The following CNNM3 variants were observed in gnomAD, a reference collection of about 807,000 sequenced individuals.
CNNM3 encodes cyclin and CBS domain divalent metal cation transport mediator 3, also known as metal transporter CNNM3.
Under a neutral mutation model 57.1 loss-of-function variants are expected in CNNM3, and 47 were observed. The ratio of observed to expected loss-of-function variants is 0.82; its 90% CI spans 0.65 to 1.05. CNNM3 has a LOEUF of 1.05. Among genes scored for constraint, CNNM3 ranks in the 50% least tolerant of loss-of-function variants. The pLI, the probability that CNNM3 is intolerant of heterozygous loss-of-function variation, is 0.00. For synonymous variants in CNNM3, 507 were observed against 478.2 expected, an observed-to-expected ratio of 1.06 and a Z score of -0.79; for missense variants, 957 against 973.7, an observed-to-expected ratio of 0.98 and a Z score of 0.23.
intron 7 of CNNM3, among the ~76,000 whole-genome samples, chr2:96,830,157 G>A (rs946905580): frequency 6.6e-6 from 1 of 152,230 alleles, no homozygotes; most frequent in Non-Finnish European, 1.5e-5. Context: ...GCGTTCCTAA[G>A]GTTGGGGTCA....
At chr2:96,820,358 C>T (rs2079388181) in intron 1 of CNNM3, among the ~76,000 whole-genome samples, 1 of 152,110 alleles carries the variant, frequency 6.6e-6, no homozygotes, top group African/African-American at 2.4e-5. Flanking sequence ...CAGGTTTTGG[C>T]CATTGAATTT....
At chr2:96,824,000 T>C (rs1004156563) in intron 1 of CNNM3, among the ~76,000 whole-genome samples, 1 of 152,252 alleles carries the variant, frequency 6.6e-6, no homozygotes, top group Admixed American at 6.5e-5. Context: ...AAATGCTATT[T>C]TGACTATATT....
In CNNM3 at chr2:96,833,226, C is replaced by A; in HGVS notation, c.*610C>A. ...CACTGCCCGTAGGCTGTCCCTGTAG[C>A]CCTGCTCCCTCCCTGGAGGCTGCTC... On this transcript the variant is annotated 3_prime_UTR_variant, in exon 8 of 8. Coordinates refer to ENST00000305510, the MANE Select transcript of CNNM3 (RefSeq NM_017623.5). 1 of 357,406 alleles carries A rather than the reference C, an allele frequency of 2.8e-6. No homozygotes were observed. The highest frequency in any genetic ancestry group is 5.5e-6 in the Non-Finnish European group (1 of 181,964). The allele number at this position is 357,406 out of a possible 1,614,324, so 22.1% of individuals were successfully genotyped here. A position where few individuals can be genotyped will look rare whatever the true frequency, so the allele number is the denominator to read the frequency against.
rs776023023 is a variant in CNNM3 at position 96,826,999 on chromosome 2, G to C, written c.1519+17G>C. 1.2e-6 allele frequency: 2 copies of C among 1,611,896 alleles called. No homozygotes were observed. The highest frequency in any genetic ancestry group is 1.7e-6 in the Non-Finnish European group (2 of 1,179,046). On this transcript the variant is annotated intron_variant, in intron 3 of 7. Coordinates refer to ENST00000305510, the MANE Select transcript of CNNM3 (RefSeq NM_017623.5). Reference sequence around the variant, plus strand: ...TGTCCCGAGGTGAGGCGGGAGGGTGGTCCATGCCCCCTGCTCTCCTCACCG... The same window carrying C: ...TGTCCCGAGGTGAGGCGGGAGGGTGCTCCATGCCCCCTGCTCTCCTCACCG...
In CNNM3 at chr2:96,816,925, G is replaced by A; in HGVS notation, c.648G>A (p.Ala216=). 8.3e-7 allele frequency: 1 copy of A among 1,204,800 alleles called. No homozygotes were observed. The allele number at this position is 1,204,800 out of a possible 1,614,324, so 74.6% of individuals were successfully genotyped here. A position where few individuals can be genotyped will look rare whatever the true frequency, so the allele number is the denominator to read the frequency against. The change falls in exon 1 of 8, where the codon GCG becomes GCA. Residue 216 remains alanine, a synonymous_variant. Coordinates refer to ENST00000305510, the MANE Select transcript of CNNM3 (RefSeq NM_017623.5). ...CGCTGGCGGTGCTGCTGTACCGCGC[G>A]GCCGGCCAGCGTGCGGTGCCCGCCG... ...QAALAVLLYR[A]AGQRAVPAVL... is the part of the protein sequence containing the mutation.
chr2:96,832,990 C>T lies in CNNM3; in HGVS notation c.*374C>T. The T allele has an allele frequency of 1.5e-6, 2 of 1,339,698 alleles. No homozygotes were observed. Among genetic ancestry groups the T allele is most frequent in the Non-Finnish European group, 2.0e-6 (2 of 1,021,546 alleles). The allele number at this position is 1,339,698 out of a possible 1,614,324, so 83.0% of individuals were successfully genotyped here. ...CTGAGCCACCTTGTGAGTGCAGTTA[C>T]TGCCTTTGTGTGGCCGTGACCTCTA... is the stretch of plus-strand genomic sequence containing the variant. On this transcript the variant is annotated 3_prime_UTR_variant, in exon 8 of 8. Transcript: ENST00000305510.
rs1228028605 is a variant in CNNM3, at chr2:96,832,993, C to T, written c.*377C>T. ...AGCCACCTTGTGAGTGCAGTTACTG[C>T]CTTTGTGTGGCCGTGACCTCTATTT... On this transcript the variant is annotated 3_prime_UTR_variant, in exon 8 of 8. Transcript: ENST00000305510. The T allele has an allele frequency of 7.5e-7, 1 of 1,336,556 alleles. No individual in the cohort carries two copies. The highest frequency in any genetic ancestry group is 2.2e-5 in the Admixed American group (1 of 44,848). 82.8% of individuals were successfully genotyped at this position (1,336,556 alleles called of 1,614,324 possible).
chr2:96,832,370 A>C, intron 7 of CNNM3, 182 bp from the exon 8 acceptor site: 1 of 1,474,946 alleles, frequency 6.8e-7, no homozygotes, highest in Non-Finnish European at 9.0e-7. Flanking sequence ...CTCCCAGGGA[A>C]GGCATCTGTT....
Position 96,826,995 on chromosome 2 carries a change from G to A in CNNM3, c.1519+13G>A. ...TTCCTGTCCCGAGGTGAGGCGGGAG[G>A]GTGGTCCATGCCCCCTGCTCTCCTC... On this transcript the variant is annotated intron_variant, in intron 3 of 7. Transcript: ENST00000305510. 1.2e-6 allele frequency: 2 copies of A among 1,612,574 alleles called. No homozygotes were observed. The highest frequency in any genetic ancestry group is 1.7e-6 in the Non-Finnish European group (2 of 1,179,334).
At position 96,832,919 on chromosome 2, in the gene CNNM3, C is replaced by G; in HGVS notation, c.*303C>G. The G allele has an allele frequency of 7.0e-7, 1 of 1,436,324 alleles. No homozygotes were observed. The highest frequency in any genetic ancestry group is 1.2e-5 in the South Asian group (1 of 82,302). The allele number at this position is 1,436,324 out of a possible 1,614,324, so 89.0% of individuals were successfully genotyped here. ...CAGGGCCCAGCCTTCCCCTTCTCCC[C>G]CGGGGCAGGGACAGTGCGGCATATT... is the stretch of plus-strand genomic sequence containing the variant. On this transcript the variant is annotated 3_prime_UTR_variant, in exon 8 of 8. Coordinates refer to ENST00000305510, the MANE Select transcript of CNNM3 (RefSeq NM_017623.5).
intron 5 of CNNM3, 35 bp downstream of exon 5, chr2:96,828,230 GT>G: frequency 6.4e-7 from 1 of 1,553,072 alleles, no homozygotes; most frequent in African/African-American, 1.4e-5. Flanking sequence ...GAGGGCCAGG[GT>G]GGAGGCTGCA....
chr2:96,836,190 C>G (rs528175556), downstream of CNNM3, among the ~76,000 whole-genome samples: 57 of 147,348 alleles, frequency 3.9e-4, no homozygotes, highest in Admixed American at 8.9e-4. Flanking sequence ...TCAAGCAGTT[C>G]TCCCTCTTCA....
downstream of CNNM3, chr2:96,836,935 A>C (rs1256834596): frequency 6.6e-6 from 1 of 152,044 alleles, no homozygotes; most frequent in African/African-American, 2.4e-5. Context: ...TTTTTTTTTA[A>C]TCCTATAGCT....
rs2079318995 is a variant in CNNM3 at position 96,816,489 on chromosome 2, TCGCCAACAGCTCTTGGTCCTGGGTGGCCC to T, written c.215_243del (p.Ala72GlyfsTer48). 3 of 1,458,190 alleles carry T rather than the reference TCGCCAACAGCTCTTGGTCCTGGGTGGCCC, an allele frequency of 2.1e-6. No individual in the cohort carries two copies. Among genetic ancestry groups the T allele is most frequent in the Admixed American group, 2.6e-5 (1 of 37,874 alleles). 90.3% of individuals were successfully genotyped at this position (1,458,190 alleles called of 1,614,324 possible). On this transcript the variant is annotated frameshift_variant, in exon 1 of 8. Transcript: ENST00000305510. LOFTEE classifies it high-confidence loss of function. ...CTCCTGCGCCTCTTCGGCCCGGGCT[TCGCCAACAGCTCTTGGTCCTGGGTGGCCC>T]CGGAGGGGGCGGGCTGCCGGGAGGA...
At chr2:96,820,388 A>G (rs902927748) in intron 1 of CNNM3, among the ~76,000 whole-genome samples, 5 of 152,186 alleles carry the variant, frequency 3.3e-5, no homozygotes, top group African/African-American at 1.2e-4. Flanking sequence ...CAGTGTCCCA[A>G]GAGGCAAACT....
At chr2:96,819,888 C>T (rs867754940) in intron 1 of CNNM3, among the ~76,000 whole-genome samples, 2 of 152,300 alleles carry the variant, frequency 1.3e-5, no homozygotes, top group Middle Eastern at 6.8e-3. Flanking sequence ...TCTTCGCTGC[C>T]ATGGTCTTGT....
Position 96,816,385 on chromosome 2 carries a change from C to G in CNNM3, c.108C>G (p.Phe36Leu). The change falls in exon 1 of 8, where the codon TTC (phenylalanine) becomes TTG (leucine). Residue 36 changes from phenylalanine (F) to leucine (L), a missense_variant. Transcript: ENST00000305510. Reference protein sequence around the residue: ...EAAPGPRVLGFCLEEDGAAGA... With the variant: ...EAAPGPRVLGLCLEEDGAAGA... ...CGCCGGGCCCGCGAGTGCTGGGCTT[C>G]TGCCTGGAGGAGGATGGAGCGGCGG... The G allele has an allele frequency of 7.4e-7, 1 of 1,351,304 alleles. No homozygotes were observed. The highest frequency in any genetic ancestry group is 9.5e-7 in the Non-Finnish European group (1 of 1,053,168). 83.7% of individuals were successfully genotyped at this position (1,351,304 alleles called of 1,614,324 possible). A position where few individuals can be genotyped will look rare whatever the true frequency, so the allele number is the denominator to read the frequency against.
intron 3 of CNNM3, 70 bp from the exon 4 acceptor site, chr2:96,827,661 C>T (rs995110953): frequency 2.7e-6 from 4 of 1,488,032 alleles, no homozygotes; most frequent in Non-Finnish European, 3.7e-6. Flanking sequence ...AAATTGCCTA[C>T]AGTGTTGGGT....
intron 1 of CNNM3, among the ~76,000 whole-genome samples, chr2:96,820,973 CAGG>C (rs1450547527): frequency 2.0e-5 from 3 of 152,178 alleles, no homozygotes; most frequent in Non-Finnish European, 2.9e-5. Context: ...CAGCCCGATG[CAGG>C]AGGATTTGGG....
Sources: gnomAD v4.1 joint callset for allele counts (sites outside exome capture counted in the v4.1 genomes callset) on GRCh38, gnomAD v4.1.1 for gene constraint, MANE v1.5 for transcripts, NCBI Gene and HGNC (gene_info 2026-07-23, HGNC 2026-07-21) for gene names.